The following STK33 variants were observed in gnomAD, a reference collection of about 807,000 sequenced individuals.
The protein encoded by STK33 is serine/threonine-protein kinase 33.
In STK33, 52 loss-of-function variants were observed where a neutral mutation model predicts 58.0. The observed-to-expected ratio is 0.90, with a 90% CI of 0.72 to 1.13. The LOEUF is 1.13. Among genes scored for constraint, STK33 ranks in the 50% most tolerant of loss-of-function variants. The probability of loss-of-function intolerance (pLI) is 0.00; values close to 1 mark genes in which losing one functional copy is unlikely to be tolerated. For missense variants in STK33, 630 were observed against 604.2 expected (o/e 1.04, Z -0.45); for synonymous variants, 215 against 200.1 (o/e 1.07, Z -0.63).
At chr11:8,575,662 A>G (rs1281374311) in intron 1 of STK33, among the ~76,000 whole-genome samples, 1 of 152,138 alleles carries the variant, frequency 6.6e-6, no homozygotes, top group Non-Finnish European at 1.5e-5. Flanking sequence ...TTTTGGAAGT[A>G]GTGGATAACC....
chr11:8,344,198 A>AACACACACACATACAC, the STK33 span, among the ~76,000 whole-genome samples: 1 of 137,118 alleles, frequency 7.3e-6, no homozygotes, highest in Non-Finnish European at 1.6e-5. Flanking sequence ...AAACAAACAA[A>AACACACACACATACAC]ACACACACAC....
chr11:8,542,979 G>A (rs1955639386), intron 1 of STK33, among the ~76,000 whole-genome samples: 1 of 152,130 alleles, frequency 6.6e-6, no homozygotes, highest in African/African-American at 2.4e-5. Flanking sequence ...CCAAAGTGCT[G>A]GGACTACAGA....
intron 1 of STK33, among the ~76,000 whole-genome samples, chr11:8,587,977 C>G (rs1310502092): frequency 6.6e-6 from 1 of 152,180 alleles, no homozygotes; most frequent in East Asian, 1.9e-4. Context: ...GTTCTGGAGG[C>G]TGAGAAGTCC....
intron 1 of STK33, among the ~76,000 whole-genome samples, chr11:8,507,711 CTACTTTT>C (rs1434870484): frequency 6.6e-6 from 1 of 152,122 alleles, no homozygotes; most frequent in Non-Finnish European, 1.5e-5. Flanking sequence ...AAACAAGCCC[CTACTTTT>C]TAATACAAAC....
intron 1 of STK33, among the ~76,000 whole-genome samples, chr11:8,499,775 A>G (rs559777290): frequency 6.6e-6 from 1 of 152,326 alleles, no homozygotes; most frequent in African/African-American, 2.4e-5. Flanking sequence ...TTGCAGGGAC[A>G]TGGATGAAGC....
At chr11:8,579,468 G>T (rs1958412452) in intron 1 of STK33, among the ~76,000 whole-genome samples, 1 of 151,878 alleles carries the variant, frequency 6.6e-6, no homozygotes, top group Non-Finnish European at 1.5e-5. Context: ...TTTCAACAAT[G>T]ATGAGGGAAT....
At chr11:8,496,635 C>T (rs887703584) in intron 1 of STK33, among the ~76,000 whole-genome samples, 1 of 150,484 alleles carries the variant, frequency 6.6e-6, no homozygotes, top group Non-Finnish European at 1.5e-5. Flanking sequence ...AGTGCAGTGG[C>T]GTGATCTCGG....
At chr11:8,512,899 T>A (rs1952455097) in intron 1 of STK33, among the ~76,000 whole-genome samples, 1 of 152,194 alleles carries the variant, frequency 6.6e-6, no homozygotes, top group Non-Finnish European at 1.5e-5. Context: ...TCCCATTATA[T>A]TTAGCATATT....
intron 1 of STK33, among the ~76,000 whole-genome samples, chr11:8,502,854 A>T (rs1951618801): frequency 6.6e-6 from 1 of 152,232 alleles, no homozygotes; most frequent in African/African-American, 2.4e-5. Flanking sequence ...ACATACATGC[A>T]GCCAATAAGC....
the STK33 span, among the ~76,000 whole-genome samples, chr11:8,364,929 AC>A: frequency 4.3e-4 from 63 of 146,210 alleles, no homozygotes; most frequent in Non-Finnish European, 7.7e-4. Context: ...ATTTCATGTG[AC>A]CCCCCCCGCC....
intron 15 of STK33, among the ~76,000 whole-genome samples, chr11:8,403,358 T>C (rs914820630): frequency 6.6e-6 from 1 of 152,222 alleles, no homozygotes; most frequent in African/African-American, 2.4e-5. Context: ...GACCAGAGAA[T>C]GTTTACAGAC....
At chr11:8,361,526 C>T in the STK33 span, among the ~76,000 whole-genome samples, 1 of 152,004 alleles carries the variant, frequency 6.6e-6, no homozygotes, top group African/African-American at 2.4e-5. This position sits in a 1 kb window ranked among gnomAD's most constrained non-coding sequence, Gnocchi z 4.8. Flanking sequence ...CCCACCAATC[C>T]CTGACTCTCA....
intron 1 of STK33, among the ~76,000 whole-genome samples, chr11:8,524,419 C>A (rs1317102464): frequency 6.6e-6 from 1 of 152,032 alleles, no homozygotes; most frequent in African/African-American, 2.4e-5. Context: ...TCTAACAAGT[C>A]AGTAGAAAAA....
intron 1 of STK33, chr11:8,567,426 T>C (rs1450156600): frequency 6.6e-6 from 1 of 152,222 alleles, no homozygotes; most frequent in Non-Finnish European, 1.5e-5. Flanking sequence ...GTTATTACTA[T>C]TTGTGGCTGC....
chr11:8,544,083 C>A (rs1366584012), intron 1 of STK33, among the ~76,000 whole-genome samples: 1 of 151,816 alleles, frequency 6.6e-6, no homozygotes, highest in African/African-American at 2.4e-5. Context: ...CATAGGTATA[C>A]ATGTGCCATG....
chr11:8,434,374 ATACT>A (rs1943805838), intron 14 of STK33: 1 of 153,390 alleles, frequency 6.5e-6, no homozygotes, highest in South Asian at 2.0e-4. Context: ...TAATAGATGA[ATACT>A]CTCTAGTAAT....
intron 14 of STK33, among the ~76,000 whole-genome samples, chr11:8,426,244 C>T (rs534893710): frequency 4.6e-5 from 7 of 152,196 alleles, no homozygotes; most frequent in Non-Finnish European, 1.0e-4. Context: ...GCTCAGCAGC[C>T]TGGGCTCTCC....
At chr11:8,495,753 G>C (rs753585142) in intron 1 of STK33, among the ~76,000 whole-genome samples, 7 of 152,132 alleles carry the variant, frequency 4.6e-5, no homozygotes, top group Non-Finnish European at 1.0e-4. Flanking sequence ...AAACACCATA[G>C]AATACTGTGC....
chr11:8,584,635 C>A (rs2031143660), intron 1 of STK33, among the ~76,000 whole-genome samples: 1 of 152,178 alleles, frequency 6.6e-6, no homozygotes, highest in Non-Finnish European at 1.5e-5. Context: ...GGTTTAGGCG[C>A]CTTCCTCCTT....
Sources: allele counts gnomAD v4.1 joint callset (sites outside exome capture counted in the v4.1 genomes callset), GRCh38; gene constraint gnomAD v4.1.1; non-coding constraint Gnocchi (gnomAD v3.1); transcripts MANE v1.5; gene names NCBI Gene and HGNC (gene_info 2026-07-23, HGNC 2026-07-21).